CRMP1: variants seen among roughly 807,000 people sequenced by gnomAD.
CRMP1 encodes the protein collapsin response mediator protein 1.
Under a neutral mutation model 68.3 loss-of-function variants are expected in CRMP1, and 19 were observed. The ratio of observed to expected loss-of-function variants is 0.28; its 90% CI spans 0.19 to 0.41. The LOEUF (loss-of-function observed/expected upper bound fraction) is 0.41, where lower values mean the gene tolerates loss of function less well. Ranked by LOEUF, CRMP1 falls within the 10% of genes least tolerant of loss-of-function variation. The probability of loss-of-function intolerance (pLI) is 1.00; values close to 1 mark genes in which losing one functional copy is unlikely to be tolerated. For synonymous variants in CRMP1, 439 were observed against 399.6 expected (o/e 1.10, Z -1.18); for missense variants, 791 against 967.4 (o/e 0.82, Z 2.42).
rs1255127117 is a variant in CRMP1 at position 5,877,674 on chromosome 4, G to T, written c.382-10918C>A. Among the ~76,000 whole-genome samples, 1 of 152,198 alleles carries T rather than the reference G, an allele frequency of 6.6e-6. No individual in the cohort carries two copies. The highest frequency in any genetic ancestry group is 1.5e-5 in the Non-Finnish European group (1 of 68,042). ...CCCCCTCTCACGGGTAGGGGACAGG[G>T]CGGCTTTCCCCCTTTCATGAATGGG... On this transcript the variant is annotated intron_variant, in intron 1 of 13. Coordinates refer to ENST00000324989, the MANE Select transcript of CRMP1 (RefSeq NM_001014809.3). This position sits in a 1 kb window ranked among gnomAD's most constrained non-coding sequence, Gnocchi z 4.3.
chr4:5,828,047 C>T, intron 12 of CRMP1: 1 of 985,420 alleles, frequency 1.0e-6, no homozygotes, highest in South Asian at 4.7e-5. Context: ...GCCCTGCCTG[C>T]AAGATGCCAG....
chr4:5,852,814 G>A (rs73797929), intron 4 of CRMP1, among the ~76,000 whole-genome samples: 2,679 of 152,174 alleles, frequency 0.018, 83 homozygotes, highest in African/African-American at 0.061. Flanking sequence ...TGGGGGGGTT[G>A]CATCTGTCAG....
Position 5,825,035 on chromosome 4 carries a change from A to C in CRMP1, c.1969+459T>G. ...AATAGGGTATAATGTTACTTTATGG[A>C]GTAGTGAGGATAAAATAAAATCATG... On this transcript the variant is annotated intron_variant, in intron 13 of 13. Coordinates refer to ENST00000324989, the MANE Select transcript of CRMP1 (RefSeq NM_001014809.3). This position sits in a 1 kb window ranked among gnomAD's most constrained non-coding sequence, Gnocchi z 4.4. 1 of 985,286 alleles carries C rather than the reference A, an allele frequency of 1.0e-6. No individual in the cohort carries two copies. Among genetic ancestry groups the C allele is most frequent in the Non-Finnish European group, 1.2e-6 (1 of 829,832 alleles). The allele number at this position is 985,286 out of a possible 1,614,324, so 61.0% of individuals were successfully genotyped here.
intron 12 of CRMP1, among the ~76,000 whole-genome samples, chr4:5,827,490 G>A (rs1250736883): frequency 6.6e-6 from 1 of 152,134 alleles, no homozygotes; most frequent in Non-Finnish European, 1.5e-5. Context: ...CTGGAGCCTG[G>A]GAATGCAGGA....
intron 12 of CRMP1, chr4:5,826,550 C>A (rs1181481496): frequency 1.3e-5 from 2 of 152,148 alleles, no homozygotes; most frequent in African/African-American, 4.8e-5. Context: ...GGGCAGAGAC[C>A]CTGAAAGCAG....
At chr4:5,837,440 T>C (rs954875156) in intron 9 of CRMP1, among the ~76,000 whole-genome samples, 4 of 140,786 alleles carry the variant, frequency 2.8e-5, no homozygotes, top group Middle Eastern at 3.3e-3. Context: ...CTGACCAACA[T>C]GGCAAAACCT....
rs754453954 is a variant in CRMP1 at position 5,834,191 on chromosome 4, C to A, written c.1623+1724G>T. Among the ~76,000 whole-genome samples, 6 of 152,358 alleles carry A rather than the reference C, an allele frequency of 3.9e-5. No individual in the cohort carries two copies. In the East Asian group the frequency reaches 1.2e-3, roughly 29 times the overall value. On this transcript the variant is annotated intron_variant, in intron 11 of 13. Coordinates refer to ENST00000324989, the MANE Select transcript of CRMP1 (RefSeq NM_001014809.3). This position sits in a 1 kb window ranked among gnomAD's most constrained non-coding sequence, Gnocchi z 4.3. ...CTTGTGAAGCAAGGGGCAGCTCCCA[C>A]AGCCAGATGGCGGTAGGAGTGCACA...
At position 5,825,380 on chromosome 4, in the gene CRMP1, C is replaced by T; in HGVS notation, c.1969+114G>A. On this transcript the variant is annotated intron_variant, in intron 13 of 13. Coordinates refer to ENST00000324989, the MANE Select transcript of CRMP1 (RefSeq NM_001014809.3). The surrounding 1 kb of genome is among the most constrained non-coding windows in gnomAD (Gnocchi z 4.4). ...GGCTCGGGTGGGGCACACTCCCTTC[C>T]CTGCTTCTTCATCTAGTGTCCAAGG... is the stretch of plus-strand genomic sequence containing the variant. The T allele has an allele frequency of 6.8e-7, 1 of 1,462,482 alleles. No homozygotes were observed. 90.6% of individuals were successfully genotyped at this position (1,462,482 alleles called of 1,614,324 possible).
At chr4:5,876,529 G>A (rs1362845317) in intron 1 of CRMP1, among the ~76,000 whole-genome samples, 6 of 152,150 alleles carry the variant, frequency 3.9e-5, no homozygotes, top group South Asian at 2.1e-4. Flanking sequence ...AGAGCAAGCA[G>A]GGAAATGAGC....
At chr4:5,846,685 C>A (rs902987310) in intron 6 of CRMP1, among the ~76,000 whole-genome samples, 23 of 151,018 alleles carry the variant, frequency 1.5e-4, no homozygotes, top group Admixed American at 6.6e-4. Flanking sequence ...CCACCTCCCA[C>A]ATTCAAGCAA....
Position 5,889,572 on chromosome 4 carries a change from C to A in CRMP1, c.381+3017G>T. On this transcript the variant is annotated intron_variant, in intron 1 of 13. Coordinates refer to ENST00000324989, the MANE Select transcript of CRMP1 (RefSeq NM_001014809.3). The surrounding 1 kb of genome is among the most constrained non-coding windows in gnomAD (Gnocchi z 4.5). ...AGGAAAAGGGGGAGCCCCAGCAAGC[C>A]CCAACCTCACTGGACAGGTGCCCCA... 2 of 1,535,872 alleles carry A rather than the reference C, an allele frequency of 1.3e-6. No homozygotes were observed. The highest frequency in any genetic ancestry group is 1.2e-5 in the South Asian group (1 of 84,060).
At chr4:5,868,261 CTATATATATATATATATA>C (rs60816757) in intron 1 of CRMP1, among the ~76,000 whole-genome samples, 3,210 of 111,468 alleles carry the variant, frequency 0.029, 144 homozygotes, top group African/African-American at 0.088. Context: ...GACTATATAT[CTATATATATATATATATA>C]TATATATATA....
rs1045595057 is a variant in CRMP1 at position 5,876,931 on chromosome 4, T to C, written c.382-10175A>G. Among the ~76,000 whole-genome samples, 22 of 152,312 alleles carry C rather than the reference T, an allele frequency of 1.4e-4. No homozygotes were observed. In the Middle Eastern group the frequency reaches 0.01, roughly 71 times the overall value. On this transcript the variant is annotated intron_variant, in intron 1 of 13. Coordinates refer to ENST00000324989, the MANE Select transcript of CRMP1 (RefSeq NM_001014809.3). ...AGATAATTTCAACACAGACCCTCTG[T>C]GGCAAGTCCTCACCATGCCCCAAAG...
chr4:5,852,984 G>T (rs1311051541), intron 4 of CRMP1, among the ~76,000 whole-genome samples: 1 of 152,128 alleles, frequency 6.6e-6, no homozygotes, highest in Non-Finnish European at 1.5e-5. Context: ...AGGTGCAGGG[G>T]GCTGGGGCTC....
intron 1 of CRMP1, among the ~76,000 whole-genome samples, chr4:5,868,290 T>TATATATATATATCTATCTATATATAG (rs1714175462): frequency 7.6e-6 from 1 of 131,394 alleles, no homozygotes; most frequent in African/African-American, 3.3e-5. Context: ...TATATATATA[T>TATATATATATATCTATCTATATATAG]ATATATATAT....
chr4:5,821,782 G>A lies in CRMP1; in HGVS notation c.2039C>T (p.Ser680Phe). Residue 680 changes from serine (S) to phenylalanine (F), a missense_variant, in exon 14 of 14, where the codon TCC becomes TTC. Physicochemically the swap from Ser to Phe is radical, Grantham distance 155. Transcript: ENST00000324989. This position sits in a 1 kb window ranked among gnomAD's most constrained non-coding sequence, Gnocchi z 4.4. The part of the protein sequence containing the change: ...HRIVAPPGGR[S>F]NITSLG The stretch of plus-strand genomic sequence containing the variant: ...CGTTCAACCGAGGCTGGTGATGTTG[G>A]AGCGGCCACCAGGGGGCGCCACGAT... The A allele has an allele frequency of 6.2e-7, 1 of 1,611,222 alleles. No individual in the cohort carries two copies. Among genetic ancestry groups the A allele is most frequent in the Non-Finnish European group, 8.5e-7 (1 of 1,178,822 alleles).
chr4:5,849,106 G>C (rs10937684), intron 6 of CRMP1, among the ~76,000 whole-genome samples: 51,723 of 152,124 alleles, frequency 0.34, 11,210 homozygotes, highest in East Asian at 0.69. Context: ...CTAGGAGATG[G>C]AGGAGACTGG....
rs1190868723 is a variant in CRMP1 at position 5,865,844 on chromosome 4, G to A, written c.470+824C>T. On this transcript the variant is annotated intron_variant, in intron 2 of 13. Transcript: ENST00000324989. This position sits in a 1 kb window ranked among gnomAD's most constrained non-coding sequence, Gnocchi z 4.1. ...GGTGACCTTAGAAGAAGAGACCCCA[G>A]GAGTGTGCACACACACACACAGAAA... 6.6e-6 allele frequency among the ~76,000 whole-genome samples: 1 copy of A among 152,062 alleles called. No individual in the cohort carries two copies. The highest frequency in any genetic ancestry group is 2.4e-5 in the African/African-American group (1 of 41,402).
chr4:5,836,980 C>T lies in CRMP1; in HGVS notation c.1311-74G>A, dbSNP rs1043098997. ...GGCAAATCCTGACTTCAGACAGGTA[C>T]ATGCAGCACAGCCAGTGAATGAATG... is the stretch of plus-strand genomic sequence containing the variant. On this transcript the variant is annotated intron_variant, in intron 9 of 13. Coordinates refer to ENST00000324989, the MANE Select transcript of CRMP1 (RefSeq NM_001014809.3). 1.9e-5 allele frequency: 28 copies of T among 1,479,258 alleles called. No individual in the cohort carries two copies. In the Middle Eastern group the frequency reaches 5.4e-4, roughly 28 times the overall value. 91.6% of individuals were successfully genotyped at this position (1,479,258 alleles called of 1,614,324 possible).
Sources: allele counts gnomAD v4.1 joint callset (sites outside exome capture counted in the v4.1 genomes callset), GRCh38; gene constraint gnomAD v4.1.1; non-coding constraint Gnocchi (gnomAD v3.1); transcripts MANE v1.5; gene names NCBI Gene and HGNC (gene_info 2026-07-23, HGNC 2026-07-21).